Variants in CNKSR3 observed in about 807,000 individuals in gnomAD.
The protein encoded by CNKSR3 is CNKSR family member 3.
Under a neutral mutation model 67.7 loss-of-function variants are expected in CNKSR3, and 36 were observed. The observed-to-expected ratio is 0.53, with a 90% CI of 0.41 to 0.70. CNKSR3 has a LOEUF of 0.70. CNKSR3 is among the 30% of genes least tolerant of loss of function. The pLI, the probability that CNKSR3 is intolerant of heterozygous loss-of-function variation, is 0.00. For missense variants in CNKSR3, 630 were observed against 695.2 expected (o/e 0.91, Z 1.05); for synonymous variants, 281 against 271.4 (o/e 1.04, Z -0.35).
intron 1 of CNKSR3, among the ~76,000 whole-genome samples, chr6:154,472,959 A>G (rs950813509): frequency 6.6e-6 from 1 of 152,190 alleles, no homozygotes; most frequent in Non-Finnish European, 1.5e-5. Flanking sequence ...GAGTCTATCA[A>G]TGAGCTTTTA....
At position 154,393,787 on chromosome 6, in the gene CNKSR3, T is replaced by C. The variant is rs528248156; in HGVS notation, c.*12567A>G. ...TCATAGATCAAATAATAAATCATAA[T>C]AGAAATTAAAAATTAGTTAGAATTA... On this transcript the variant is annotated 3_prime_UTR_variant, in exon 13 of 13. Transcript: ENST00000607772. 17 of 152,138 alleles carry C rather than the reference T, an allele frequency of 1.1e-4. No homozygotes were observed. The highest frequency in any genetic ancestry group is 1.9e-4 in the Non-Finnish European group (13 of 68,010). 9.4% of individuals were successfully genotyped at this position (152,138 alleles called of 1,614,324 possible). A position where few individuals can be genotyped will look rare whatever the true frequency, so the allele number is the denominator to read the frequency against.
chr6:154,442,609 G>C (rs557075332), intron 2 of CNKSR3, among the ~76,000 whole-genome samples: 1 of 152,052 alleles, frequency 6.6e-6, no homozygotes, highest in Non-Finnish European at 1.5e-5. Context: ...GCAACAGAGG[G>C]AGACTCTGTT....
chr6:154,486,289 CTCTCTT>C (rs1360607436), intron 1 of CNKSR3, among the ~76,000 whole-genome samples: 53 of 149,868 alleles, frequency 3.5e-4, no homozygotes, highest in Admixed American at 1.6e-3. Context: ...TTTTCTCTCT[CTCTCTT>C]TTTCTTTTTT....
chr6:154,478,869 T>C (rs534750319), intron 1 of CNKSR3, among the ~76,000 whole-genome samples: 65 of 152,246 alleles, frequency 4.3e-4, no homozygotes, highest in Non-Finnish European at 8.2e-4. Flanking sequence ...GAAGAAACTC[T>C]ATCTGCCAAG....
chr6:154,493,145 T>C (rs1582901865), intron 1 of CNKSR3, among the ~76,000 whole-genome samples: 1 of 152,180 alleles, frequency 6.6e-6, no homozygotes, highest in Non-Finnish European at 1.5e-5. Flanking sequence ...TTCCCCTTGG[T>C]CACGATGCCT....
At chr6:154,503,053 A>G (rs1787029937) in intron 1 of CNKSR3, among the ~76,000 whole-genome samples, 2 of 152,146 alleles carry the variant, frequency 1.3e-5, no homozygotes, top group Admixed American at 1.3e-4. Flanking sequence ...AGCGCAACTC[A>G]TATATTTGTG....
chr6:154,510,079 C>A lies in CNKSR3; in HGVS notation c.36G>T (p.Val12=). 1 of 1,614,142 alleles carries A rather than the reference C, an allele frequency of 6.2e-7. No homozygotes were observed. The stretch of plus-strand genomic sequence containing the variant: ...CCCGCGCACCTCTAGTCCAGTCCAC[C>A]ACTTGTTTGGGGCTCCACTTGGTCA... ...EPVTKWSPKQ[V]VDWTRGLDDC... Residue 12 remains valine (V), a synonymous_variant, in exon 1 of 13, where the codon GTG becomes GTT. Coordinates refer to ENST00000607772, the MANE Select transcript of CNKSR3 (RefSeq NM_173515.4).
At chr6:154,502,175 G>C (rs924173398) in intron 1 of CNKSR3, among the ~76,000 whole-genome samples, 2 of 151,122 alleles carry the variant, frequency 1.3e-5, no homozygotes, top group African/African-American at 4.9e-5. Flanking sequence ...GTTATGCAAA[G>C]GGCTTTCCCT....
intron 1 of CNKSR3, among the ~76,000 whole-genome samples, chr6:154,490,135 A>C (rs9479879): frequency 0.036 from 5,521 of 152,232 alleles, 344 homozygotes; most frequent in African/African-American, 0.13. Flanking sequence ...TTATGCTTAA[A>C]GTCAGCTCAG....
intron 1 of CNKSR3, among the ~76,000 whole-genome samples, chr6:154,466,215 T>C (rs1562345835): frequency 6.6e-6 from 1 of 152,104 alleles, no homozygotes; most frequent in Non-Finnish European, 1.5e-5. Flanking sequence ...GAAACAGTAC[T>C]ACAGAAAGAG....
chr6:154,442,312 AG>A, intron 2 of CNKSR3, 22 bp from the exon 3 acceptor site: 1 of 1,603,736 alleles, frequency 6.2e-7, no homozygotes, highest in Non-Finnish European at 8.5e-7. Flanking sequence ...AAAATCAAAG[AG>A]AAAAATTCAA....
At chr6:154,416,942 G>C (rs747036537) in intron 9 of CNKSR3, among the ~76,000 whole-genome samples, 1 of 152,188 alleles carries the variant, frequency 6.6e-6, no homozygotes, top group Non-Finnish European at 1.5e-5. Flanking sequence ...GACTTGGCAG[G>C]AAAGTAGGCA....
At chr6:154,451,195 G>T (rs1785818530) in intron 1 of CNKSR3, among the ~76,000 whole-genome samples, 2 of 152,292 alleles carry the variant, frequency 1.3e-5, no homozygotes, top group Admixed American at 6.5e-5. Flanking sequence ...TTTAATGCTT[G>T]TATATAATGA....
At chr6:154,423,533 C>CA (rs1213348091) in intron 7 of CNKSR3, among the ~76,000 whole-genome samples, 1 of 152,184 alleles carries the variant, frequency 6.6e-6, no homozygotes, top group East Asian at 1.9e-4. Flanking sequence ...GCTGGGATTA[C>CA]AGGCATGAGC....
At chr6:154,485,894 G>A (rs775180406) in intron 1 of CNKSR3, among the ~76,000 whole-genome samples, 17 of 152,140 alleles carry the variant, frequency 1.1e-4, no homozygotes, top group East Asian at 3.9e-4. Context: ...AAGAAGAACC[G>A]GGCTGGTTTC....
chr6:154,415,972 G>A (rs902043694), intron 9 of CNKSR3, among the ~76,000 whole-genome samples: 1 of 152,090 alleles, frequency 6.6e-6, no homozygotes, highest in Admixed American at 6.5e-5. Flanking sequence ...CCAAGCCCTG[G>A]GCAGACATAA....
chr6:154,478,913 T>C (rs908526459), intron 1 of CNKSR3, among the ~76,000 whole-genome samples: 3 of 152,232 alleles, frequency 2.0e-5, no homozygotes, highest in Admixed American at 6.5e-5. Context: ...ATCATGAGAA[T>C]GCCATGCTGG....
Position 154,470,188 on chromosome 6 carries a change from C to CTTTT in CNKSR3, c.53-19934_53-19931dup, listed in dbSNP as rs869154714. Reference sequence around the variant, plus strand: ...TGTAATAAAGAACCTACTTTCTTTCCTTTTTTTTTTTTTTTTTTTTTTTTT... The same window carrying CTTTT: ...TGTAATAAAGAACCTACTTTCTTTCCTTTTTTTTTTTTTTTTTTTTTTTTTTTTT... On this transcript the variant is annotated intron_variant, in intron 1 of 12. Transcript: ENST00000607772. Among the ~76,000 whole-genome samples, 218 of 68,728 alleles carry CTTTT rather than the reference C, an allele frequency of 3.2e-3. 31 individuals carry two copies. Among genetic ancestry groups the CTTTT allele is most frequent in the South Asian group, 7.0e-3 (10 of 1,420 alleles). 45.1% of individuals were successfully genotyped at this position (68,728 alleles called of 152,430 possible). A position where few individuals can be genotyped will look rare whatever the true frequency, so the allele number is the denominator to read the frequency against.
chr6:154,456,714 A>G (rs1785967443), intron 1 of CNKSR3, among the ~76,000 whole-genome samples: 1 of 142,158 alleles, frequency 7.0e-6, no homozygotes, highest in Non-Finnish European at 1.5e-5. Context: ...TCTCAAAAAA[A>G]AAAAAAAAAA....
Sources: gnomAD v4.1 joint callset for allele counts (sites outside exome capture counted in the v4.1 genomes callset) on GRCh38, gnomAD v4.1.1 for gene constraint, MANE v1.5 for transcripts, NCBI Gene and HGNC (gene_info 2026-07-23, HGNC 2026-07-21) for gene names.